Variants in MON2 observed in about 807,000 individuals in gnomAD.
The protein encoded by MON2 is MON2 regulator of endosome-to-Golgi trafficking, also known as protein MON2 homolog.
A neutral mutation model predicts 208.6 loss-of-function variants in MON2; 84 were observed. The observed-to-expected ratio is 0.40, with a 90% CI of 0.34 to 0.48. The LOEUF (loss-of-function observed/expected upper bound fraction) is 0.48, where lower values mean the gene tolerates loss of function less well. Among genes scored for constraint, MON2 ranks in the 20% least tolerant of loss-of-function variants. The pLI is 0.59. For missense variants in MON2, 1,611 were observed against 2,015.4 expected, an observed-to-expected ratio of 0.80 and a Z score of 3.84; for synonymous variants, 660 against 694.0, an observed-to-expected ratio of 0.95 and a Z score of 0.77.
intron 23 of MON2, among the ~76,000 whole-genome samples, chr12:62,552,401 A>G (rs1278441928): frequency 6.6e-6 from 1 of 152,106 alleles, no homozygotes; most frequent in Non-Finnish European, 1.5e-5. Context: ...GATTCTCTAC[A>G]TTTTAACCAT....
intron 4 of MON2, among the ~76,000 whole-genome samples, chr12:62,498,127 G>A (rs894386118): frequency 2.0e-5 from 3 of 151,200 alleles, no homozygotes; most frequent in Admixed American, 6.6e-5. Context: ...TGGTGTACTC[G>A]TACAATAGAA....
intron 2 of MON2, among the ~76,000 whole-genome samples, chr12:62,488,202 C>G (rs74806546): frequency 0.031 from 4,654 of 152,016 alleles, 253 homozygotes; most frequent in African/African-American, 0.1. Context: ...GGAGACTGAC[C>G]CTCAGCATAG....
rs1383436697 is a variant in MON2, at chr12:62,477,343, T to C, written c.112-6827T>C. On this transcript the variant is annotated intron_variant, in intron 1 of 34. Transcript: ENST00000393630. ...CATTCCCTTTTGCTTCCTTCGTTGG[T>C]AGGCTATGTTCTTCTCTCATTTTCA... Among the ~76,000 whole-genome samples, 3 of 152,194 alleles carry C rather than the reference T, an allele frequency of 2.0e-5. No homozygotes were observed. In the South Asian group the frequency reaches 6.2e-4, roughly 31 times the overall value.
chr12:62,500,358 C>T (rs1204446567), intron 5 of MON2, among the ~76,000 whole-genome samples: 1 of 152,128 alleles, frequency 6.6e-6, no homozygotes, highest in Non-Finnish European at 1.5e-5. Flanking sequence ...GACATGGTAA[C>T]AGCAGCAGAT....
At chr12:62,534,749 G>A in intron 12 of MON2, 96 bp from the exon 13 acceptor site, 1 of 803,300 alleles carries the variant, frequency 1.2e-6, no homozygotes, top group Non-Finnish European at 2.1e-6. Context: ...TGGAATATTT[G>A]ACATATTGTC....
In MON2 at chr12:62,546,989, G is replaced by C; in HGVS notation, c.2670G>C (p.Gln890His). ...TCAAGCAGTTAGAATGCGTGTTGCA[G>C]ATTCTGCAGAGTCAGGGAGACAGTC... ...IRLKQLECVL[Q>H]ILQSQGDSLG... is the part of the protein sequence containing the mutation. The change falls in exon 22 of 35, where the codon CAG (glutamine) becomes CAC (histidine). Residue 890 changes from glutamine (Q) to histidine (H), a missense_variant. Physicochemically the swap from Gln to His is conservative, Grantham distance 24. Transcript: ENST00000393630. 1 of 1,613,224 alleles carries C rather than the reference G, an allele frequency of 6.2e-7. No homozygotes were observed. Among genetic ancestry groups the C allele is most frequent in the Non-Finnish European group, 8.5e-7 (1 of 1,179,406 alleles).
At chr12:62,474,815 TG>T (rs1311373458) in intron 1 of MON2, among the ~76,000 whole-genome samples, 2 of 152,234 alleles carry the variant, frequency 1.3e-5, no homozygotes, top group African/African-American at 2.4e-5. Context: ...CTAGCACTGT[TG>T]CCTACTTTAG....
chr12:62,548,399 G>C (rs1454302028), intron 22 of MON2, among the ~76,000 whole-genome samples: 1 of 152,072 alleles, frequency 6.6e-6, no homozygotes, highest in Admixed American at 6.6e-5. Context: ...GGGGACATAT[G>C]GACTTGTTTA....
At chr12:62,530,538 A>G (rs1161047097) in intron 11 of MON2, among the ~76,000 whole-genome samples, 14 of 152,070 alleles carry the variant, frequency 9.2e-5, no homozygotes, top group Admixed American at 5.9e-4. Context: ...GCCCAGCATA[A>G]TGTTTTGAAG....
At chr12:62,558,654 A>G (rs983789268) in intron 25 of MON2, among the ~76,000 whole-genome samples, 1 of 151,280 alleles carries the variant, frequency 6.6e-6, no homozygotes, top group African/African-American at 2.4e-5. Context: ...TTTACTTAAA[A>G]TTCTGTGTTT....
chr12:62,547,921 T>C (rs1318145176), intron 22 of MON2, among the ~76,000 whole-genome samples: 2 of 152,196 alleles, frequency 1.3e-5, no homozygotes, highest in Non-Finnish European at 2.9e-5. Context: ...GTGATGTTCA[T>C]ACAGCAACAG....
At chr12:62,475,697 C>T (rs1163833961) in intron 1 of MON2, among the ~76,000 whole-genome samples, 1 of 149,596 alleles carries the variant, frequency 6.7e-6, no homozygotes, top group Non-Finnish European at 1.5e-5. Flanking sequence ...GCCACCACAC[C>T]CATCCTCCTT....
At chr12:62,575,037 G>T (rs1049976339) in intron 30 of MON2, among the ~76,000 whole-genome samples, 1 of 152,056 alleles carries the variant, frequency 6.6e-6, no homozygotes. Flanking sequence ...GAGGTGGGAT[G>T]ATCACTTGAG....
rs534351642 is a variant in MON2, at chr12:62,594,304, A to G, written c.*1555A>G. On this transcript the variant is annotated 3_prime_UTR_variant, in exon 35 of 35. Coordinates refer to ENST00000393630, the MANE Select transcript of MON2 (RefSeq NM_015026.3). ...ATTGAGATACAGTTTTGAGGCTATTATAATTGTATAATTATTTAATTTGCA... is the reference window on the plus strand; with the variant it reads ...ATTGAGATACAGTTTTGAGGCTATTGTAATTGTATAATTATTTAATTTGCA... 4 of 152,316 alleles carry G rather than the reference A, an allele frequency of 2.6e-5. No homozygotes were observed. The highest frequency in any genetic ancestry group is 5.9e-5 in the Non-Finnish European group (4 of 67,988). 9.4% of individuals were successfully genotyped at this position (152,316 alleles called of 1,614,324 possible).
At chr12:62,518,738 A>G (rs2071836061) in intron 8 of MON2, among the ~76,000 whole-genome samples, 1 of 152,188 alleles carries the variant, frequency 6.6e-6, no homozygotes, top group Non-Finnish European at 1.5e-5. Flanking sequence ...TTTACTTGTG[A>G]ACTGTGGGTG....
chr12:62,539,198 TA>T (rs1335913314), intron 19 of MON2, among the ~76,000 whole-genome samples: 1 of 152,090 alleles, frequency 6.6e-6, no homozygotes, highest in Non-Finnish European at 1.5e-5. Context: ...AAATATGATT[TA>T]AAAGCTAAAA....
intron 31 of MON2, 21 bp downstream of exon 31, chr12:62,578,526 G>GTTTTCT: frequency 3.5e-6 from 5 of 1,439,792 alleles, no homozygotes; most frequent in Non-Finnish European, 4.7e-6. Flanking sequence ...TATTTAAAAT[G>GTTTTCT]TTTTCCTGTG....
rs548259175 is a variant in MON2 at position 62,599,151 on chromosome 12, T to C, written c.*6402T>C. 6.6e-5 allele frequency: 10 copies of C among 152,292 alleles called. No individual in the cohort carries two copies. In the East Asian group the frequency reaches 1.9e-3, roughly 29 times the overall value. 9.4% of individuals were successfully genotyped at this position (152,292 alleles called of 1,614,324 possible). A position where few individuals can be genotyped will look rare whatever the true frequency, so the allele number is the denominator to read the frequency against. On this transcript the variant is annotated 3_prime_UTR_variant, in exon 35 of 35. Transcript: ENST00000393630. ...ATTATAGAGTAAAGGGGAAATGTTC[T>C]TGAGAGCTTTATTAAAACCATTAAT...
chr12:62,499,448 A>C (rs533936911), intron 5 of MON2, among the ~76,000 whole-genome samples: 1 of 152,272 alleles, frequency 6.6e-6, no homozygotes, highest in Middle Eastern at 3.4e-3. Context: ...TCAGTGTTTT[A>C]TAACTGTTTT....
Sources: gnomAD v4.1 joint callset for allele counts (sites outside exome capture counted in the v4.1 genomes callset) on GRCh38, gnomAD v4.1.1 for gene constraint, MANE v1.5 for transcripts, NCBI Gene and HGNC (gene_info 2026-07-23, HGNC 2026-07-21) for gene names.